The following UBA52 variants were observed in gnomAD, a reference collection of about 807,000 sequenced individuals.
The protein encoded by UBA52 is ubiquitin-ribosomal protein eL40 fusion protein.
In UBA52, 1 loss-of-function variant was observed where a neutral mutation model predicts 15.3. That is an observed-to-expected ratio of 0.07 (90% confidence interval 0.02 to 0.31). The LOEUF (loss-of-function observed/expected upper bound fraction) is 0.31, where lower values mean the gene tolerates loss of function less well. Ranked by LOEUF, UBA52 falls within the 10% of genes least tolerant of loss-of-function variation. The pLI is 1.00. For missense variants in UBA52, 87 were observed against 168.0 expected (o/e 0.52, Z 2.66); for synonymous variants, 50 against 58.3 (o/e 0.86, Z 0.65).
upstream of UBA52, chr19:18,568,560 C>G (rs1482137121): frequency 6.2e-7 from 1 of 1,613,790 alleles, no homozygotes; most frequent in Non-Finnish European, 8.5e-7. Context: ...GGACCTGTCC[C>G]ATGTCCAGCC....
At chr19:18,566,390 C>T in the UBA52 span, among the ~76,000 whole-genome samples, 1 of 76,454 alleles carries the variant, frequency 1.3e-5, no homozygotes, top group Non-Finnish European at 2.6e-5. Flanking sequence ...ATGGCATGAA[C>T]CCAGGAGGTG....
chr19:18,573,382 G>A lies in UBA52; in HGVS notation c.82G>A (p.Ala28Thr). 4 of 1,614,124 alleles carry A rather than the reference G, an allele frequency of 2.5e-6. No individual in the cohort carries two copies. Among genetic ancestry groups the A allele is most frequent in the Non-Finnish European group, 3.4e-6 (4 of 1,179,988 alleles). ...EPSDTIENVKAKIQDKEGIPP... is the reference protein window; with the variant it reads ...EPSDTIENVKTKIQDKEGIPP... ...CAGTGACACCATTGAGAATGTCAAA[G>A]CCAAAATTCAAGACAAGGAGGGTGA... Residue 28 changes from alanine (A) to threonine (T), a missense_variant, in exon 2 of 5, where the codon GCC becomes ACC. Coordinates refer to ENST00000442744, the MANE Select transcript of UBA52 (RefSeq NM_001033930.3).
At chr19:18,570,050 T>G (rs1032045309), upstream of UBA52, among the ~76,000 whole-genome samples, 3 of 152,090 alleles carry the variant, frequency 2.0e-5, no homozygotes, top group Non-Finnish European at 4.4e-5. Flanking sequence ...AAAAGGAAAT[T>G]AGGTTCTTAA....
upstream of UBA52, chr19:18,567,014 G>T (rs998077447): frequency 3.7e-6 from 3 of 821,030 alleles, no homozygotes; most frequent in African/African-American, 5.0e-5. Flanking sequence ...TGAACAGTGT[G>T]GGGGTTCTCA....
At chr19:18,573,062 G>A (rs745945759) in intron 1 of UBA52, 27 of 1,323,694 alleles carry the variant, frequency 2.0e-5, no homozygotes, top group Non-Finnish European at 2.6e-5. Flanking sequence ...CGGTCAGGAG[G>A]GTGGAGGACA....
upstream of UBA52, chr19:18,568,360 T>A: frequency 6.8e-7 from 1 of 1,467,698 alleles, no homozygotes; most frequent in Non-Finnish European, 9.5e-7. Flanking sequence ...TCACAGAGCT[T>A]GGCAAGGTGA....
chr19:18,574,968 C>G lies in UBA52; in HGVS notation c.289C>G (p.Arg97Gly), dbSNP rs1042664318. The G allele has an allele frequency of 6.2e-7, 1 of 1,614,206 alleles. No individual in the cohort carries two copies. Among genetic ancestry groups the G allele is most frequent in the Non-Finnish European group, 8.5e-7 (1 of 1,180,036 alleles). ...QKYNCDKMICRKCYARLHPRA... is the reference protein window; with the variant it reads ...QKYNCDKMICGKCYARLHPRA... ...ATACAACTGCGACAAGATGATCTGCCGCAAGTATGTGTGCTCCGATGCTTG... is the reference window on the plus strand; with the variant it reads ...ATACAACTGCGACAAGATGATCTGCGGCAAGTATGTGTGCTCCGATGCTTG... The change falls in exon 4 of 5, where the codon CGC (arginine) becomes GGC (glycine). Residue 97 changes from arginine to glycine, a missense_variant. By Grantham distance (125) the Arg-to-Gly change is moderately radical. Coordinates refer to ENST00000442744, the MANE Select transcript of UBA52 (RefSeq NM_001033930.3).
At position 18,576,784 on chromosome 19, in the gene UBA52, C is replaced by G. The variant is rs946161060; in HGVS notation, c.*1634C>G. ...TCAAGCGATTCTCCTTTCTCAGCCT[C>G]TTGAGTAGCTGGAATTACCAGTGTG... is the stretch of plus-strand genomic sequence containing the variant. On this transcript the variant is annotated 3_prime_UTR_variant, in exon 5 of 5. Coordinates refer to ENST00000442744, the MANE Select transcript of UBA52 (RefSeq NM_001033930.3). 1.3e-5 allele frequency: 2 copies of G among 151,426 alleles called. No individual in the cohort carries two copies. The highest frequency in any genetic ancestry group is 4.9e-5 in the African/African-American group (2 of 41,094). The allele number at this position is 151,426 out of a possible 1,614,324, so 9.4% of individuals were successfully genotyped here. A position where few individuals can be genotyped will look rare whatever the true frequency, so the allele number is the denominator to read the frequency against.
upstream of UBA52, chr19:18,567,251 A>AAGGTGGCCTT: frequency 1.4e-6 from 2 of 1,469,662 alleles, no homozygotes; most frequent in Non-Finnish European, 1.9e-6. Context: ...CTGGAAGGCC[A>AAGGTGGCCTT]CCTTGGGGCC....
upstream of UBA52, among the ~76,000 whole-genome samples, chr19:18,567,559 C>T (rs926718687): frequency 2.6e-5 from 4 of 152,210 alleles, no homozygotes; most frequent in African/African-American, 9.6e-5. Flanking sequence ...CAGCTGTTAC[C>T]CACAGTCACC....
the UBA52 span, among the ~76,000 whole-genome samples, chr19:18,565,607 G>A: frequency 6.6e-6 from 1 of 152,074 alleles, no homozygotes; most frequent in Non-Finnish European, 1.5e-5. Flanking sequence ...TCTGCCTCCT[G>A]GATTCAAGCG....
At chr19:18,573,931 A>G in intron 3 of UBA52, 183 bp downstream of exon 3, 1 of 595,158 alleles carries the variant, frequency 1.7e-6, no homozygotes, top group Non-Finnish European at 2.9e-6. Context: ...CGGGTGGATC[A>G]CCTGAGGTCA....
In UBA52 at chr19:18,572,909, G is replaced by C. The variant is rs899256065; in HGVS notation, c.-8-384G>C. 15 of 1,086,106 alleles carry C rather than the reference G, an allele frequency of 1.4e-5. No individual in the cohort carries two copies. The African/African-American group carries it at 2.1e-4, about 15-fold the overall frequency. The allele number at this position is 1,086,106 out of a possible 1,614,324, so 67.3% of individuals were successfully genotyped here. On this transcript the variant is annotated intron_variant, in intron 1 of 4. Coordinates refer to ENST00000442744, the MANE Select transcript of UBA52 (RefSeq NM_001033930.3). The stretch of plus-strand genomic sequence containing the variant: ...AGATCAGGACCTGGCTGCCGTGGAA[G>C]AGGGTGGGACCGCCTTCAGGGAAGA...
chr19:18,564,931 G>C, the UBA52 span: 1 of 1,613,544 alleles, frequency 6.2e-7, no homozygotes. Context: ...TCCAGTGCCC[G>C]CCTGCAGCAG....
the UBA52 span, among the ~76,000 whole-genome samples, chr19:18,563,826 A>C: frequency 6.7e-6 from 1 of 148,716 alleles, no homozygotes; most frequent in Non-Finnish European, 1.5e-5. Context: ...TTTAGAAGAG[A>C]TGTGGTTTCA....
At chr19:18,565,814 A>G in the UBA52 span, among the ~76,000 whole-genome samples, 1 of 152,144 alleles carries the variant, frequency 6.6e-6, no homozygotes, top group Non-Finnish European at 1.5e-5. Context: ...CAGCCTCCTG[A>G]GTAGCTGGGA....
chr19:18,568,876 A>G, upstream of UBA52: 1 of 532,892 alleles, frequency 1.9e-6, no homozygotes, highest in Non-Finnish European at 3.4e-6. Flanking sequence ...GGGCACGCCC[A>G]TTCCAGCTGG....
At chr19:18,567,048 C>A, upstream of UBA52, 3 of 1,305,960 alleles carry the variant, frequency 2.3e-6, no homozygotes, top group Non-Finnish European at 3.3e-6. Flanking sequence ...TTGCCCTCAG[C>A]TGGCAGCAGG....
upstream of UBA52, chr19:18,567,361 T>C (rs1360697573): frequency 1.4e-5 from 9 of 657,624 alleles, no homozygotes; most frequent in Admixed American, 2.4e-5. Context: ...GCTGGCAGAG[T>C]GGGCACTAGG....
Sources: gnomAD v4.1 joint callset for allele counts (sites outside exome capture counted in the v4.1 genomes callset) on GRCh38, gnomAD v4.1.1 for gene constraint, MANE v1.5 for transcripts, NCBI Gene and HGNC (gene_info 2026-07-23, HGNC 2026-07-21) for gene names.